AFTPH: variants seen among roughly 807,000 people sequenced by gnomAD.
AFTPH encodes the protein aftiphilin.
In AFTPH, 7 loss-of-function variants were observed where a neutral mutation model predicts 72.5. That is an observed-to-expected ratio of 0.10 (90% CI 0.05 to 0.18). The LOEUF (loss-of-function observed/expected upper bound fraction) is 0.18, where lower values mean the gene tolerates loss of function less well. Among genes scored for constraint, AFTPH ranks in the 10% least tolerant of loss-of-function variants. The pLI is 1.00. For synonymous variants in AFTPH, 337 were observed against 370.1 expected (o/e 0.91, Z 1.03); for missense variants, 979 against 1,060.5 (o/e 0.92, Z 1.07).
At position 64,552,528 on chromosome 2, in the gene AFTPH, T is replaced by C. The variant is rs147790111; in HGVS notation, c.1054T>C (p.Cys352Arg). Residue 352 changes from cysteine to arginine, a missense_variant, in exon 2 of 9, where the codon TGT becomes CGT. Coordinates refer to ENST00000238856, the Ensembl canonical transcript of AFTPH. Reference sequence around the variant, plus strand: ...TTCAGAAGCCATTAGGAGAGAACAATGTAAAACTGAAGAAAAACTTGACTT... The same window carrying C: ...TTCAGAAGCCATTAGGAGAGAACAACGTAAAACTGAAGAAAAACTTGACTT... The C allele has an allele frequency of 2.5e-6, 4 of 1,614,054 alleles. No homozygotes were observed. The African/African-American group carries it at 4.0e-5, about 16-fold the overall frequency.
At chr2:64,572,164 G>A (rs1388000181) in intron 5 of AFTPH, among the ~76,000 whole-genome samples, 1 of 150,378 alleles carries the variant, frequency 6.6e-6, no homozygotes, top group African/African-American at 2.5e-5. Flanking sequence ...AGGTTGCAGT[G>A]AGCTGAGATC....
chr2:64,531,265 T>G (rs2103808867), intron 1 of AFTPH, among the ~76,000 whole-genome samples: 1 of 152,266 alleles, frequency 6.6e-6, no homozygotes, highest in East Asian at 1.9e-4. Flanking sequence ...GGATCAAATC[T>G]TAGAAGTAGA....
intron 1 of AFTPH, among the ~76,000 whole-genome samples, chr2:64,531,941 A>G (rs1669653096): frequency 6.6e-6 from 1 of 152,242 alleles, no homozygotes; most frequent in Non-Finnish European, 1.5e-5. Flanking sequence ...AAAGGAATAC[A>G]TAGATTTTTT....
exon 2 of AFTPH, chr2:64,552,118 A>G (rs201836808): frequency 6.2e-7 from 1 of 1,614,026 alleles, no homozygotes; most frequent in Non-Finnish European, 8.5e-7. Flanking sequence ...CTTAGCACTC[A>G]TAGCACTGAG....
At chr2:64,540,313 C>T (rs1192265273) in intron 1 of AFTPH, among the ~76,000 whole-genome samples, 1 of 152,092 alleles carries the variant, frequency 6.6e-6, no homozygotes. Context: ...CCCTTGTTAT[C>T]AATAGTTATC....
At chr2:64,590,183 A>G (rs1389259643) in intron 8 of AFTPH, among the ~76,000 whole-genome samples, 1 of 152,142 alleles carries the variant, frequency 6.6e-6, no homozygotes, top group African/African-American at 2.4e-5. Context: ...TTAACCTAGC[A>G]TATCTCCTCA....
At chr2:64,563,622 G>T (rs536484121) in intron 2 of AFTPH, among the ~76,000 whole-genome samples, 1 of 152,094 alleles carries the variant, frequency 6.6e-6, no homozygotes, top group Non-Finnish European at 1.5e-5. Context: ...TCACATTTTT[G>T]AATGTTTAAC....
chr2:64,578,652 G>A (rs1672975036), intron 6 of AFTPH, among the ~76,000 whole-genome samples: 1 of 151,850 alleles, frequency 6.6e-6, no homozygotes, highest in African/African-American at 2.4e-5. Flanking sequence ...CCACCTCCCG[G>A]GTTCAAGCAA....
chr2:64,549,308 C>CTTTTTTTTTTTTTTTTTTTTTTTTT (rs34951706), intron 1 of AFTPH, among the ~76,000 whole-genome samples: 1 of 55,982 alleles, frequency 1.8e-5, no homozygotes, highest in African/African-American at 6.1e-5. Context: ...TTAGTCCTCC[C>CTTTTTTTTTTTTTTTTTTTTTTTTT]TTTTTTTTTT....
chr2:64,576,576 T>A (rs1034816427), intron 6 of AFTPH, among the ~76,000 whole-genome samples: 1 of 152,180 alleles, frequency 6.6e-6, no homozygotes, highest in African/African-American at 2.4e-5. Context: ...ACTACTGATT[T>A]CCCTCTTAGT....
chr2:64,571,839 G>A (rs1017578235), intron 5 of AFTPH, among the ~76,000 whole-genome samples: 1 of 152,106 alleles, frequency 6.6e-6, no homozygotes, highest in Non-Finnish European at 1.5e-5. Context: ...CCCATTTTGA[G>A]TTTGGTAGAG....
chr2:64,555,600 A>ACACAC (rs1558611158), intron 2 of AFTPH, among the ~76,000 whole-genome samples: 3 of 137,314 alleles, frequency 2.2e-5, no homozygotes, highest in African/African-American at 5.7e-5. Flanking sequence ...CACACACACA[A>ACACAC]GACTTTCTTG....
intron 2 of AFTPH, among the ~76,000 whole-genome samples, chr2:64,564,630 AAAAAT>A (rs1290943138): frequency 1.4e-5 from 2 of 146,036 alleles, no homozygotes; most frequent in Non-Finnish European, 2.9e-5. Flanking sequence ...ATAAAAAATA[AAAAAT>A]AAAATAAATA....
intron 1 of AFTPH, among the ~76,000 whole-genome samples, chr2:64,550,409 A>G (rs1005115305): frequency 3.9e-5 from 6 of 152,222 alleles, no homozygotes; most frequent in South Asian, 4.1e-4. Flanking sequence ...ATGCAGCAAC[A>G]TGGATAGCTC....
Position 64,582,866 on chromosome 2 carries a change from A to T in AFTPH, c.2456-2556A>T, listed in dbSNP as rs373847500. On this transcript the variant is annotated intron_variant, in intron 7 of 8. Transcript: ENST00000238856. ...GCACAAATAACGTGGCTATATAAAG[A>T]AGTACAGAAATGACCTGATAATCAG... 2.1e-4 allele frequency among the ~76,000 whole-genome samples: 32 copies of T among 152,336 alleles called. No homozygotes were observed. In the East Asian group the frequency reaches 4.8e-3, roughly 23 times the overall value.
At chr2:64,579,228 ATT>A (rs546327846) in intron 6 of AFTPH, among the ~76,000 whole-genome samples, 2 of 152,170 alleles carry the variant, frequency 1.3e-5, no homozygotes, top group Non-Finnish European at 2.9e-5. Flanking sequence ...CAGTTCATAA[ATT>A]TGTTTAAAAA....
rs138367877 is a variant in AFTPH at position 64,530,827 on chromosome 2, C to T, written c.-33+6215C>T. Among the ~76,000 whole-genome samples the T allele has an allele frequency of 8.0e-3, 1,210 of 151,864 alleles. 2 individuals carry two copies. The highest frequency in any genetic ancestry group is 0.024 in the Middle Eastern group (7 of 294). On this transcript the variant is annotated intron_variant, in intron 1 of 8. Transcript: ENST00000238856. Reference sequence around the variant, plus strand: ...CTGTAATCCCAGCACTTTGGGAGGCCGAGGCGGGAGTATCACTTGAGGTCA... The same window carrying T: ...CTGTAATCCCAGCACTTTGGGAGGCTGAGGCGGGAGTATCACTTGAGGTCA...
intron 2 of AFTPH, among the ~76,000 whole-genome samples, chr2:64,560,390 AATAATT>A (rs1208678165): frequency 6.6e-6 from 1 of 152,190 alleles, no homozygotes; most frequent in Non-Finnish European, 1.5e-5. Context: ...AAAAAATAAT[AATAATT>A]ATAAAGACAT....
intron 6 of AFTPH, 151 bp from the exon 7 acceptor site, chr2:64,579,335 G>C: frequency 1.9e-6 from 1 of 517,096 alleles, no homozygotes; most frequent in Non-Finnish European, 3.4e-6. Context: ...GCTGATATTT[G>C]CAGGTAACCT....
Sources: gnomAD v4.1 joint callset for allele counts (sites outside exome capture counted in the v4.1 genomes callset) on GRCh38, gnomAD v4.1.1 for gene constraint, MANE v1.5 for transcripts, NCBI Gene and HGNC (gene_info 2026-07-23, HGNC 2026-07-21) for gene names.